The following USP49 variants were observed in gnomAD, a reference collection of about 807,000 sequenced individuals.
USP49 encodes ubiquitin carboxyl-terminal hydrolase 49.
USP49 carries 24 observed loss-of-function variants against 58.6 expected under a neutral mutation model. The ratio of observed to expected loss-of-function variants is 0.41; its 90% CI spans 0.30 to 0.58. The LOEUF is 0.58. Ranked by LOEUF, USP49 falls within the 20% of genes least tolerant of loss-of-function variation. USP49 has a pLI of 0.30. For missense variants in USP49, 703 were observed against 866.1 expected (o/e 0.81, Z 2.36); for synonymous variants, 408 against 365.1 (o/e 1.12, Z -1.34).
chr6:41,872,685 T>A (rs534536514), intron 2 of USP49, among the ~76,000 whole-genome samples: 1 of 149,068 alleles, frequency 6.7e-6, no homozygotes, highest in East Asian at 2.0e-4. Flanking sequence ...GATCATGAGG[T>A]CAGGAGATCG....
At position 41,806,414 on chromosome 6, in the gene USP49, G is replaced by GCGC; in HGVS notation, c.567_569dup (p.Arg190dup). On this transcript the variant is annotated inframe_insertion, in exon 4 of 8. Coordinates refer to ENST00000682992, the MANE Select transcript of USP49 (RefSeq NM_001286554.2). The surrounding 1 kb of genome is among the most constrained non-coding windows in gnomAD (Gnocchi z 5.9). ...CCTCCAGCAGCCGCCGTTTCACCTC[G>GCGC]CGCCGCCGCCTCCGCGCCTCCTCCT... 6.4e-7 allele frequency: 1 copy of GCGC among 1,570,688 alleles called. No homozygotes were observed. The highest frequency in any genetic ancestry group is 8.6e-7 in the Non-Finnish European group (1 of 1,166,898).
chr6:41,840,464 G>A (rs1773806020), intron 3 of USP49, among the ~76,000 whole-genome samples: 1 of 152,064 alleles, frequency 6.6e-6, no homozygotes, highest in East Asian at 1.9e-4. Context: ...TGAGACCTTG[G>A]GTCAGTGAAG....
At chr6:41,886,933 C>T (rs899747818) in intron 2 of USP49, among the ~76,000 whole-genome samples, 2 of 152,176 alleles carry the variant, frequency 1.3e-5, no homozygotes, top group Admixed American at 1.3e-4. Context: ...CCCCTATCTA[C>T]TCTTCCTTTC....
At chr6:41,841,608 A>G (rs928940497) in intron 3 of USP49, among the ~76,000 whole-genome samples, 5 of 152,194 alleles carry the variant, frequency 3.3e-5, no homozygotes, top group African/African-American at 1.2e-4. Flanking sequence ...ATTCTGGGGA[A>G]GTTCATTTTT....
chr6:41,886,131 C>T (rs577931451), intron 2 of USP49, among the ~76,000 whole-genome samples: 1 of 152,172 alleles, frequency 6.6e-6, no homozygotes, highest in Non-Finnish European at 1.5e-5. Context: ...ATTAACCTGA[C>T]CTTTGACCTC....
rs1772804861 is a variant in USP49 at position 41,791,959 on chromosome 6, A to G, written c.*4574T>C. 1 of 152,246 alleles carries G rather than the reference A, an allele frequency of 6.6e-6. No homozygotes were observed. Among genetic ancestry groups the G allele is most frequent in the African/African-American group, 2.4e-5 (1 of 41,462 alleles). 9.4% of individuals were successfully genotyped at this position (152,246 alleles called of 1,614,324 possible). A position where few individuals can be genotyped will look rare whatever the true frequency, so the allele number is the denominator to read the frequency against. The stretch of plus-strand genomic sequence containing the variant: ...TTTACCCCAAAGATACAACTTCTTC[A>G]CTTATTTAGTTCAGTAATGAGGCTG... On this transcript the variant is annotated 3_prime_UTR_variant, in exon 8 of 8. Coordinates refer to ENST00000682992, the MANE Select transcript of USP49 (RefSeq NM_001286554.2).
At chr6:41,878,533 T>C (rs79615955) in intron 2 of USP49, among the ~76,000 whole-genome samples, 2,533 of 152,258 alleles carry the variant, frequency 0.017, 54 homozygotes, top group African/African-American at 0.051. Context: ...TCACCTTCTA[T>C]ATAGCATATA....
intron 3 of USP49, among the ~76,000 whole-genome samples, chr6:41,853,234 A>T (rs1774062152): frequency 6.6e-6 from 1 of 152,198 alleles, no homozygotes; most frequent in Non-Finnish European, 1.5e-5. Context: ...CTACAACATA[A>T]ATGAGCCTTG....
chr6:41,843,392 G>T (rs1773863039), intron 3 of USP49, among the ~76,000 whole-genome samples: 1 of 152,102 alleles, frequency 6.6e-6, no homozygotes, highest in African/African-American at 2.4e-5. Context: ...CATCACGTTG[G>T]CTTTGTGTAT....
At chr6:41,810,582 T>G (rs1271408908) in intron 3 of USP49, among the ~76,000 whole-genome samples, 1 of 150,246 alleles carries the variant, frequency 6.7e-6, no homozygotes, top group Non-Finnish European at 1.5e-5. Flanking sequence ...AGCCTCACTC[T>G]GTTGCCCAGG....
intron 3 of USP49, among the ~76,000 whole-genome samples, chr6:41,846,772 C>G (rs1052352823): frequency 1.3e-5 from 2 of 152,024 alleles, no homozygotes; most frequent in African/African-American, 4.8e-5. Flanking sequence ...GGAGGAAACC[C>G]CCCCCATACT....
intron 2 of USP49, among the ~76,000 whole-genome samples, chr6:41,881,050 A>C (rs1774594938): frequency 6.6e-6 from 1 of 151,874 alleles, no homozygotes; most frequent in Non-Finnish European, 1.5e-5. Flanking sequence ...CTCCTGCCTC[A>C]GCCTCCCGAG....
chr6:41,825,157 A>C (rs1381825171), intron 3 of USP49, among the ~76,000 whole-genome samples: 1 of 152,234 alleles, frequency 6.6e-6, no homozygotes, highest in African/African-American at 2.4e-5. Flanking sequence ...CTGGTGTGCC[A>C]GTAAGTCTCA....
Position 41,871,169 on chromosome 6 carries a change from C to T in USP49, c.-29+395G>A, listed in dbSNP as rs993517725. 1.3e-5 allele frequency among the ~76,000 whole-genome samples: 2 copies of T among 152,110 alleles called. 1 individual carries two copies. On this transcript the variant is annotated intron_variant, in intron 3 of 7. Transcript: ENST00000682992. ...ACACATCTGCACTTGCTCAAATGAA[C>T]GGGATCCTCGTGGTGGGACAAACAT...
chr6:41,798,231 G>A (rs1334134334), intron 7 of USP49: 6 of 169,826 alleles, frequency 3.5e-5, no homozygotes, highest in Non-Finnish European at 5.1e-5. Flanking sequence ...ACCATATGTT[G>A]TTACTTAGTA....
intron 3 of USP49, among the ~76,000 whole-genome samples, chr6:41,853,627 A>T (rs1774070399): frequency 6.6e-6 from 1 of 152,202 alleles, no homozygotes; most frequent in South Asian, 2.1e-4. Context: ...CATATAGAAG[A>T]TGAGAAATAA....
At chr6:41,891,152 C>G (rs928389043) in intron 2 of USP49, among the ~76,000 whole-genome samples, 1 of 152,128 alleles carries the variant, frequency 6.6e-6, no homozygotes, top group Admixed American at 6.6e-5. Context: ...AGTGTTGAAT[C>G]TGAAGAAGAA....
At chr6:41,799,977 G>T (rs149239524) in intron 5 of USP49, 39 bp from the exon 6 acceptor site, 11 of 1,579,110 alleles carry the variant, frequency 7.0e-6, no homozygotes, top group Admixed American at 6.7e-5. Context: ...AGGTTGTGAG[G>T]AGTTTTTTCT....
In USP49 at chr6:41,806,198, G is replaced by A. The variant is rs148115022; in HGVS notation, c.786C>T (p.Cys262=). The change falls in exon 4 of 8, where the codon TGC becomes TGT. Residue 262 remains cysteine (C), a synonymous_variant. Transcript: ENST00000682992. The surrounding 1 kb of genome is among the most constrained non-coding windows in gnomAD (Gnocchi z 5.9). ...VTGLRNLGNT[C]YMNSILQVLS... ...GCACCTGGAGGATGGAGTTCATGTA[G>A]CAGGTGTTGCCCAGGTTGCGCAGGC... 16 of 1,612,806 alleles carry A rather than the reference G, an allele frequency of 9.9e-6. No homozygotes were observed. The African/African-American group carries it at 2.0e-4, about 20-fold the overall frequency.
Sources: gnomAD v4.1 joint callset for allele counts (sites outside exome capture counted in the v4.1 genomes callset) on GRCh38, gnomAD v4.1.1 for gene constraint, Gnocchi (gnomAD v3.1) non-coding constraint, MANE v1.5 for transcripts, NCBI Gene and HGNC (gene_info 2026-07-23, HGNC 2026-07-21) for gene names.